CHD6: variants seen among roughly 807,000 people sequenced by gnomAD.
CHD6 encodes ATP-dependent chromatin remodeler CHD6.
CHD6 carries 50 observed loss-of-function variants against 276.9 expected under a neutral mutation model. That is an observed-to-expected ratio of 0.18 (90% CI 0.14 to 0.23). CHD6 has a LOEUF of 0.23. Among genes scored for constraint, CHD6 ranks in the 10% least tolerant of loss-of-function variants. CHD6 has a pLI of 1.00. For missense variants in CHD6, 2,564 were observed against 3,365.8 expected (o/e 0.76, Z 5.89); for synonymous variants, 1,173 against 1,229.3 (o/e 0.95, Z 0.96).
In CHD6 at chr20:41,448,594, C is replaced by T. The variant is rs1481678177; in HGVS notation, c.3684-623G>A. ...GGTATATAACAAAAGTAATGCCTTT[C>T]GCCATCGGATGACCCTTGCCCACAA... On this transcript the variant is annotated intron_variant, in intron 23 of 36. Coordinates refer to ENST00000373233, the MANE Select transcript of CHD6 (RefSeq NM_032221.5). Among the ~76,000 whole-genome samples the T allele has an allele frequency of 3.9e-5, 6 of 152,146 alleles. No individual in the cohort carries two copies. In the East Asian group the frequency reaches 5.8e-4, roughly 15 times the overall value.
chr20:41,454,525 CCAAGACT>C, intron 20 of CHD6, 94 bp downstream of exon 20: 2 of 871,002 alleles, frequency 2.3e-6, no homozygotes. Context: ...CATTTAAGAA[CCAAGACT>C]CAAGAGTAAA....
intron 1 of CHD6, among the ~76,000 whole-genome samples, chr20:41,570,897 C>A (rs1452086603): frequency 6.6e-6 from 1 of 152,200 alleles, no homozygotes; most frequent in African/African-American, 2.4e-5. Context: ...CCATATCCAT[C>A]CCTTGGATCC....
At position 41,499,354 on chromosome 20, in the gene CHD6, G is replaced by C. The variant is rs1414254314; in HGVS notation, c.856C>G (p.Pro286Ala). The change falls in exon 6 of 37, where the codon CCT becomes GCT. Residue 286 changes from proline to alanine, a missense_variant. This residue lies in a region of CHD6 where 457 missense variants were observed against 889.0 expected (regional missense o/e 0.51). Coordinates refer to ENST00000373233, the MANE Select transcript of CHD6 (RefSeq NM_032221.5). The stretch of plus-strand genomic sequence containing the variant: ...ATGATGTTTGCATCATCTTCTGGAG[G>C]CTCCTGGGGACAAAGATAAAAAAAA... ...ASTLAWQAEE[P>A]PEDDANIIEK... 1 of 1,598,246 alleles carries C rather than the reference G, an allele frequency of 6.3e-7. No homozygotes were observed. Among genetic ancestry groups the C allele is most frequent in the African/African-American group, 1.3e-5 (1 of 74,288 alleles).
intron 24 of CHD6, among the ~76,000 whole-genome samples, chr20:41,447,329 C>A (rs1022253305): frequency 2.0e-5 from 3 of 152,194 alleles, no homozygotes; most frequent in Non-Finnish European, 4.4e-5. Flanking sequence ...TAAACTGGGG[C>A]TTTCTGACAG....
rs2043533739 is a variant in CHD6 at position 41,490,787 on chromosome 20, T to C, written c.1437-766A>G. Among the ~76,000 whole-genome samples, 6 of 152,054 alleles carry C rather than the reference T, an allele frequency of 3.9e-5. No homozygotes were observed. The South Asian group carries it at 1.2e-3, about 32-fold the overall frequency. Reference sequence around the variant, plus strand: ...GAGATCACACCATTGCACTCCAGCATGGGTGACAGAGCGAGGCTCTGTCTC... The same window carrying C: ...GAGATCACACCATTGCACTCCAGCACGGGTGACAGAGCGAGGCTCTGTCTC... On this transcript the variant is annotated intron_variant, in intron 11 of 36. Coordinates refer to ENST00000373233, the MANE Select transcript of CHD6 (RefSeq NM_032221.5).
chr20:41,425,582 T>C (rs183399993), intron 28 of CHD6, among the ~76,000 whole-genome samples, 188 bp from the exon 29 acceptor site: 2 of 152,344 alleles, frequency 1.3e-5, no homozygotes, highest in East Asian at 1.9e-4. Context: ...ATACAGCTTA[T>C]GTTGTGGTCA....
intron 36 of CHD6, among the ~76,000 whole-genome samples, chr20:41,411,655 T>A (rs888990840): frequency 1.3e-5 from 2 of 152,164 alleles, no homozygotes; most frequent in South Asian, 4.1e-4. Context: ...TCTGCAGAAG[T>A]CTTTGAAGTC....
At chr20:41,493,706 T>C (rs761815735) in intron 9 of CHD6, 34 bp from the exon 10 acceptor site, 84 of 1,611,158 alleles carry the variant, frequency 5.2e-5, no homozygotes, top group Non-Finnish European at 7.0e-5. Flanking sequence ...CTTAATGTTC[T>C]ATTAGGTTAA....
At chr20:41,500,579 A>G (rs1157935858) in intron 5 of CHD6, among the ~76,000 whole-genome samples, 1 of 152,134 alleles carries the variant, frequency 6.6e-6, no homozygotes, top group Non-Finnish European at 1.5e-5. Context: ...ATTACCATAC[A>G]ATAGAAGAAA....
At position 41,548,820 on chromosome 20, in the gene CHD6, A is replaced by C. The variant is rs6072415; in HGVS notation, c.33+2485T>G. On this transcript the variant is annotated intron_variant, in intron 2 of 36. Coordinates refer to ENST00000373233, the MANE Select transcript of CHD6 (RefSeq NM_032221.5). The stretch of plus-strand genomic sequence containing the variant: ...AAGAAAAAAAAAACAACCCCATCAA[A>C]AAGTAGGCAAAGGATATGAACAGAC... Among the ~76,000 whole-genome samples the C allele has an allele frequency of 6.0e-3, 919 of 152,310 alleles. 2 individuals carry two copies. The highest frequency in any genetic ancestry group is 0.01 in the Non-Finnish European group (687 of 68,018).
intron 17 of CHD6, among the ~76,000 whole-genome samples, chr20:41,464,799 A>G (rs1048667312): frequency 6.6e-6 from 1 of 152,222 alleles, no homozygotes; most frequent in Admixed American, 6.5e-5. Context: ...ATCGTTGGAG[A>G]ATGGTCAATT....
chr20:41,546,344 G>C (rs2045042050), intron 2 of CHD6, among the ~76,000 whole-genome samples: 2 of 152,086 alleles, frequency 1.3e-5, no homozygotes, highest in Admixed American at 1.3e-4. Context: ...CAGGAAGCAA[G>C]ATTCTCCCGT....
intron 27 of CHD6, among the ~76,000 whole-genome samples, chr20:41,433,594 T>C (rs1306034547): frequency 1.3e-5 from 2 of 151,814 alleles, no homozygotes; most frequent in Non-Finnish European, 2.9e-5. Flanking sequence ...CTAGACTACC[T>C]TAAAAGAAGA....
At chr20:41,596,376 G>A (rs899116126) in intron 1 of CHD6, among the ~76,000 whole-genome samples, 3 of 152,094 alleles carry the variant, frequency 2.0e-5, no homozygotes, top group Non-Finnish European at 2.9e-5. Flanking sequence ...TTGGGGTCAC[G>A]GATCAAATTG....
chr20:41,593,230 G>A (rs1274892944), intron 1 of CHD6, among the ~76,000 whole-genome samples: 2 of 148,208 alleles, frequency 1.3e-5, no homozygotes, highest in Admixed American at 1.4e-4. Flanking sequence ...TAGTAAAAGA[G>A]GGATATGGTT....
intron 3 of CHD6, among the ~76,000 whole-genome samples, chr20:41,522,518 G>A (rs1321311251): frequency 1.3e-5 from 2 of 152,030 alleles, no homozygotes; most frequent in African/African-American, 4.8e-5. Flanking sequence ...TAGTTATAAG[G>A]GAACGAAAAG....
intron 17 of CHD6, among the ~76,000 whole-genome samples, chr20:41,465,438 G>C (rs1259242340): frequency 2.6e-5 from 4 of 152,126 alleles, no homozygotes; most frequent in African/African-American, 4.8e-5. Flanking sequence ...TACAGACTGA[G>C]AACAGTCCAC....
At chr20:41,478,572 T>A (rs975051561) in intron 16 of CHD6, among the ~76,000 whole-genome samples, 2 of 151,736 alleles carry the variant, frequency 1.3e-5, no homozygotes, top group African/African-American at 4.8e-5. Context: ...TGCCAGAGAG[T>A]GAGAGGGGAC....
At chr20:41,465,339 T>C (rs1417522509) in intron 17 of CHD6, among the ~76,000 whole-genome samples, 1 of 152,222 alleles carries the variant, frequency 6.6e-6, no homozygotes, top group Non-Finnish European at 1.5e-5. Context: ...CCTGATACAA[T>C]GCACTGAGGA....
Sources: allele counts gnomAD v4.1 joint callset (sites outside exome capture counted in the v4.1 genomes callset), GRCh38; gene constraint gnomAD v4.1.1; regional missense constraint gnomAD v4.1.1; transcripts MANE v1.5; gene names NCBI Gene and HGNC (gene_info 2026-07-23, HGNC 2026-07-21).